Variants in PRLR observed in about 807,000 individuals in gnomAD.
PRLR encodes prolactin receptor, also known as hPRL receptor.
A neutral mutation model predicts 40.2 loss-of-function variants in PRLR; 13 were observed. The ratio of observed to expected loss-of-function variants is 0.32; its 90% CI spans 0.21 to 0.51. PRLR has a LOEUF of 0.51. Ranked by LOEUF, PRLR falls within the 20% of genes least tolerant of loss-of-function variation. The pLI, the probability that PRLR is intolerant of heterozygous loss-of-function variation, is 0.97. For synonymous variants in PRLR, 269 were observed against 278.7 expected (o/e 0.97, Z 0.35); for missense variants, 656 against 747.3 (o/e 0.88, Z 1.42).
chr5:35,138,850 C>A lies in PRLR; in HGVS notation c.-105-20728G>T, dbSNP rs142145284. On this transcript the variant is annotated intron_variant, in intron 1 of 9. Transcript: ENST00000618457. ...CTGCTGCCATTACTTTATTTACTAC[C>A]AAGAAAAAAAATCTTCCAGTTAAAT... Among the ~76,000 whole-genome samples the A allele has an allele frequency of 2.8e-3, 421 of 151,932 alleles. 1 individual carries two copies. Among genetic ancestry groups the A allele is most frequent in the African/African-American group, 9.6e-3 (398 of 41,396 alleles).
At chr5:35,224,107 C>T (rs1776491218) in intron 1 of PRLR, among the ~76,000 whole-genome samples, 1 of 152,166 alleles carries the variant, frequency 6.6e-6, no homozygotes, top group South Asian at 2.1e-4. Flanking sequence ...CCGTTTAGGT[C>T]ATTAACATAG....
intron 5 of PRLR, among the ~76,000 whole-genome samples, chr5:35,083,231 G>C (rs140219437): frequency 0.017 from 2,533 of 152,164 alleles, 37 homozygotes; most frequent in Non-Finnish European, 0.028. Flanking sequence ...GGGCTCTCCA[G>C]AACATTGTCC....
intron 1 of PRLR, among the ~76,000 whole-genome samples, chr5:35,148,138 C>G (rs1397219759): frequency 1.3e-5 from 2 of 152,030 alleles, no homozygotes; most frequent in Non-Finnish European, 2.9e-5. Context: ...TGCAATCTAC[C>G]CTTCTAAATA....
intron 1 of PRLR, among the ~76,000 whole-genome samples, chr5:35,164,644 A>C (rs1047673414): frequency 3.9e-5 from 6 of 152,208 alleles, no homozygotes; most frequent in African/African-American, 1.4e-4. Flanking sequence ...TCTTCTAAGT[A>C]CACTGAAAAG....
downstream of PRLR, among the ~76,000 whole-genome samples, chr5:35,054,215 A>T (rs1425122753): frequency 3.9e-5 from 6 of 152,266 alleles, no homozygotes. Context: ...AAGGGTACAC[A>T]TCAGTAAAAC....
chr5:35,053,999 T>C (rs1768599230), downstream of PRLR, among the ~76,000 whole-genome samples: 1 of 152,180 alleles, frequency 6.6e-6, no homozygotes, highest in South Asian at 2.1e-4. Context: ...TTTGGGCATA[T>C]GTAGACACTC....
intron 1 of PRLR, among the ~76,000 whole-genome samples, chr5:35,170,570 T>G (rs1449251216): frequency 6.6e-6 from 1 of 152,040 alleles, no homozygotes; most frequent in African/African-American, 2.4e-5. Flanking sequence ...GAAGCTGAGG[T>G]GGGAGGATTG....
At chr5:35,104,550 C>A (rs567813392) in intron 2 of PRLR, among the ~76,000 whole-genome samples, 1 of 152,254 alleles carries the variant, frequency 6.6e-6, no homozygotes, top group African/African-American at 2.4e-5. Context: ...ATGGTCTTAG[C>A]AAATGGCACA....
intron 1 of PRLR, among the ~76,000 whole-genome samples, chr5:35,200,151 T>C (rs1219962091): frequency 1.3e-5 from 2 of 152,244 alleles, no homozygotes; most frequent in Non-Finnish European, 2.9e-5. Context: ...TCTTCCTTTG[T>C]AAACCAGGGA....
chr5:35,069,906 T>C (rs572507529), intron 7 of PRLR, among the ~76,000 whole-genome samples: 1 of 152,242 alleles, frequency 6.6e-6, no homozygotes, highest in Non-Finnish European at 1.5e-5. Context: ...ATCAGACCCA[T>C]GTCTGTAGCC....
chr5:35,079,469 A>G (rs1323816801), intron 5 of PRLR, among the ~76,000 whole-genome samples: 1 of 152,202 alleles, frequency 6.6e-6, no homozygotes, highest in African/African-American at 2.4e-5. Flanking sequence ...TGCTTCAAAG[A>G]GAATAAAATA....
downstream of PRLR, among the ~76,000 whole-genome samples, chr5:35,053,192 A>C (rs1464155216): frequency 6.6e-6 from 1 of 152,206 alleles, no homozygotes; most frequent in Non-Finnish European, 1.5e-5. Flanking sequence ...AAGCCCAATA[A>C]AATAGATCAA....
At chr5:35,145,293 G>T (rs1305187574) in intron 1 of PRLR, among the ~76,000 whole-genome samples, 5 of 152,126 alleles carry the variant, frequency 3.3e-5, no homozygotes, top group African/African-American at 1.2e-4. Flanking sequence ...ACAAAATGAA[G>T]ACAAGAAGAG....
chr5:35,108,189 A>C (rs1046850448), intron 2 of PRLR, among the ~76,000 whole-genome samples: 2 of 152,048 alleles, frequency 1.3e-5, no homozygotes, highest in African/African-American at 4.8e-5. Context: ...CATGCTAAAA[A>C]CTCTCAATAA....
rs779497983 is a variant in PRLR, at chr5:35,065,470, C to T, written c.1488G>A (p.Gln496=). 1 of 1,614,156 alleles carries T rather than the reference C, an allele frequency of 6.2e-7. No individual in the cohort carries two copies. Among genetic ancestry groups the T allele is most frequent in the Non-Finnish European group, 8.5e-7 (1 of 1,180,036 alleles). The change falls in exon 10 of 10, where the codon CAG becomes CAA. Residue 496 remains glutamine (Q), a synonymous_variant. Transcript: ENST00000618457. ...TAGCGGAGCCAAAGGGGGTTTTCTC[C>T]TGGGGCAGCAGCCAGGGCGTATCCT... ...TDQDTPWLLP[Q]EKTPFGSAKP...
At position 35,064,486 on chromosome 5, in the gene PRLR, T is replaced by A. The variant is rs1336973121; in HGVS notation, c.*603A>T. 1 of 152,654 alleles carries A rather than the reference T, an allele frequency of 6.6e-6. No homozygotes were observed. The highest frequency in any genetic ancestry group is 1.5e-5 in the Non-Finnish European group (1 of 68,062). The allele number at this position is 152,654 out of a possible 1,614,324, so 9.5% of individuals were successfully genotyped here. On this transcript the variant is annotated 3_prime_UTR_variant, in exon 10 of 10. Coordinates refer to ENST00000618457, the MANE Select transcript of PRLR (RefSeq NM_000949.7). ...AGGGGGAAAATCCATGCTTAACATA[T>A]CTAAACTATTTTAAGAAAAAATTGG...
intron 2 of PRLR, among the ~76,000 whole-genome samples, chr5:35,111,071 T>C (rs1248597218): frequency 1.3e-5 from 2 of 152,136 alleles, no homozygotes; most frequent in Non-Finnish European, 2.9e-5. Flanking sequence ...AATGCAAAAC[T>C]GGAAACATAG....
chr5:35,057,168 A>G lies in PRLR; in HGVS notation c.*7921T>C, dbSNP rs1768771471. 3 of 152,128 alleles carry G rather than the reference A, an allele frequency of 2.0e-5. No individual in the cohort carries two copies. Among genetic ancestry groups the G allele is most frequent in the African/African-American group, 7.2e-5 (3 of 41,430 alleles). 9.4% of individuals were successfully genotyped at this position (152,128 alleles called of 1,614,324 possible). A position where few individuals can be genotyped will look rare whatever the true frequency, so the allele number is the denominator to read the frequency against. On this transcript the variant is annotated 3_prime_UTR_variant, in exon 10 of 10. Coordinates refer to ENST00000618457, the MANE Select transcript of PRLR (RefSeq NM_000949.7). ...ATTGGATCTCCTTGTATCTGGTTCCATCTCCCCTCATTTTTCTCAGCCTCC... is the reference window on the plus strand; with the variant it reads ...ATTGGATCTCCTTGTATCTGGTTCCGTCTCCCCTCATTTTTCTCAGCCTCC...
chr5:35,209,338 C>T (rs1776107613), intron 1 of PRLR, among the ~76,000 whole-genome samples: 1 of 152,122 alleles, frequency 6.6e-6, no homozygotes, highest in Admixed American at 6.5e-5. Context: ...TACTTTCTTC[C>T]ATCTCTTTAA....
Sources: allele counts gnomAD v4.1 joint callset (sites outside exome capture counted in the v4.1 genomes callset), GRCh38; gene constraint gnomAD v4.1.1; transcripts MANE v1.5; gene names NCBI Gene and HGNC (gene_info 2026-07-23, HGNC 2026-07-21).